Variants in CMYA5 observed in about 807,000 individuals in gnomAD.
CMYA5 encodes cardiomyopathy-associated protein 5.
A neutral mutation model predicts 318.9 loss-of-function variants in CMYA5; 246 were observed. The ratio of observed to expected loss-of-function variants is 0.77; its 90% CI spans 0.70 to 0.86. The LOEUF (loss-of-function observed/expected upper bound fraction) is 0.86. CMYA5 is among the 40% of genes least tolerant of loss of function. CMYA5 has a pLI of 0.00. For synonymous variants in CMYA5, 1,641 were observed against 1,729.5 expected (o/e 0.95, Z 1.27); for missense variants, 4,589 against 4,678.2 (o/e 0.98, Z 0.56).
Position 79,729,320 on chromosome 5 carries a change from T to A in CMYA5, c.555T>A (p.Tyr185Ter). 6.2e-7 allele frequency: 1 copy of A among 1,612,268 alleles called. No individual in the cohort carries two copies. The highest frequency in any genetic ancestry group is 1.3e-5 in the African/African-American group (1 of 74,826). Residue 185 changes from tyrosine to a stop codon, truncating the protein, a stop_gained, in exon 2 of 13, where the codon TAT becomes TAA. Transcript: ENST00000446378. LOFTEE classifies it high-confidence loss of function. ...QVLTTEKEKSYTGIYDKARKK... is the reference protein window; with the variant it reads ...QVLTTEKEKS ...TAACCACGGAGAAAGAGAAGTCATATACTGGCATTTATGATAAAGCAAGAA... is the reference window on the plus strand; with the variant it reads ...TAACCACGGAGAAAGAGAAGTCATAAACTGGCATTTATGATAAAGCAAGAA...
intron 1 of CMYA5, among the ~76,000 whole-genome samples, chr5:79,701,912 G>T (rs1827180603): frequency 6.6e-6 from 1 of 151,676 alleles, no homozygotes. Flanking sequence ...TGGATCATGA[G>T]GTCAGGAGAT....
chr5:79,759,463 G>A (rs938008903), intron 7 of CMYA5, among the ~76,000 whole-genome samples: 1 of 152,242 alleles, frequency 6.6e-6, no homozygotes, highest in Admixed American at 6.5e-5. Flanking sequence ...CCTAGGTATG[G>A]TGTAGTCTTC....
intron 4 of CMYA5, 140 bp downstream of exon 4, chr5:79,745,595 T>C (rs1037330117): frequency 1.5e-6 from 1 of 673,750 alleles, no homozygotes; most frequent in African/African-American, 1.8e-5. Context: ...TAAACATTAT[T>C]TGGGCATGCC....
chr5:79,736,505 G>C lies in CMYA5; in HGVS notation c.7740G>C (p.Leu2580Phe), dbSNP rs376869606. 47 of 1,612,504 alleles carry C rather than the reference G, an allele frequency of 2.9e-5. No homozygotes were observed. The highest frequency in any genetic ancestry group is 5.0e-5 in the Admixed American group (3 of 59,726). ...CAGATATCTCTTTAGGTCATTCTTT[G>C]GGTGAAACTCAATCATTTTCATTAG... ...RESDISLGHS[L>F]GETQSFSLVK... Residue 2580 changes from leucine to phenylalanine, a missense_variant, in exon 2 of 13, where the codon TTG (leucine) becomes TTC (phenylalanine). Leu to Phe is a conservative substitution (Grantham distance 22). Around this residue, in one of 3 missense-constraint regions of CMYA5, gnomAD observed 2,431 missense variants for 2,495.1 expected, o/e 0.97. Coordinates refer to ENST00000446378, the MANE Select transcript of CMYA5 (RefSeq NM_153610.5).
At chr5:79,701,791 A>G (rs2151075825) in intron 1 of CMYA5, among the ~76,000 whole-genome samples, 1 of 152,346 alleles carries the variant, frequency 6.6e-6, no homozygotes, top group Non-Finnish European at 1.5e-5. Context: ...ATTATTCATA[A>G]TAGCCAATAA....
chr5:79,734,719 T>C lies in CMYA5; in HGVS notation c.5954T>C (p.Val1985Ala). 1.9e-6 allele frequency: 3 copies of C among 1,613,808 alleles called. No homozygotes were observed. Among genetic ancestry groups the C allele is most frequent in the Non-Finnish European group, 2.5e-6 (3 of 1,179,814 alleles). ...AGTAAAAGTTACTCTTCTGAAGAAG[T>C]AAAGCTGGCTGAAGAACCAAAGTCT... ...LSSKSYSSEE[V>A]KLAEEPKSLV... The change falls in exon 2 of 13, where the codon GTA becomes GCA. Residue 1985 changes from valine to alanine, a missense_variant. Transcript: ENST00000446378.
At chr5:79,790,596 A>G (rs1425777477) in intron 10 of CMYA5, among the ~76,000 whole-genome samples, 3 of 152,198 alleles carry the variant, frequency 2.0e-5, no homozygotes, top group African/African-American at 7.2e-5. Flanking sequence ...ATATGCACAC[A>G]GATTTCCTGA....
chr5:79,766,818 A>G (rs142478620), intron 9 of CMYA5, among the ~76,000 whole-genome samples: 1 of 152,204 alleles, frequency 6.6e-6, no homozygotes, highest in Non-Finnish European at 1.5e-5. Context: ...TGCTAGCCTC[A>G]TAAAATGAGT....
At chr5:79,794,443 A>G (rs542854808) in intron 12 of CMYA5, among the ~76,000 whole-genome samples, 17 of 152,316 alleles carry the variant, frequency 1.1e-4, no homozygotes, top group South Asian at 1.0e-3. Context: ...TGCTCACAGT[A>G]TGGTTTAATA....
intron 11 of CMYA5, among the ~76,000 whole-genome samples, chr5:79,792,114 G>T (rs1199802415): frequency 1.3e-5 from 2 of 152,200 alleles, no homozygotes; most frequent in Non-Finnish European, 2.9e-5. Context: ...GGTGTTACCT[G>T]CTCCTAGTTC....
chr5:79,712,259 G>A (rs1827406275), intron 1 of CMYA5, among the ~76,000 whole-genome samples: 2 of 152,160 alleles, frequency 1.3e-5, no homozygotes, highest in Admixed American at 6.5e-5. Flanking sequence ...CTGTTGCCCA[G>A]GCTAGAGTGT....
intron 6 of CMYA5, among the ~76,000 whole-genome samples, chr5:79,758,256 G>T (rs1410575561): frequency 6.6e-6 from 1 of 151,212 alleles, no homozygotes; most frequent in African/African-American, 2.4e-5. Context: ...AAATTGGCCG[G>T]TGTGGTGGCT....
intron 5 of CMYA5, among the ~76,000 whole-genome samples, chr5:79,750,780 G>GT (rs776612477): frequency 6.6e-6 from 1 of 152,094 alleles, no homozygotes; most frequent in Non-Finnish European, 1.5e-5. Flanking sequence ...TGCAACCATT[G>GT]TAAGACCTGC....
intron 9 of CMYA5, among the ~76,000 whole-genome samples, chr5:79,771,327 GCT>G (rs1828853396): frequency 6.6e-6 from 1 of 152,112 alleles, no homozygotes; most frequent in Non-Finnish European, 1.5e-5. Flanking sequence ...ACTCATTGAT[GCT>G]ATATGAGAAG....
intron 1 of CMYA5, among the ~76,000 whole-genome samples, chr5:79,697,957 A>G (rs1037425239): frequency 7.9e-5 from 12 of 152,338 alleles, no homozygotes; most frequent in Non-Finnish European, 1.5e-4. Flanking sequence ...AAAAATAGAC[A>G]TTAGGCAATC....
At chr5:79,707,914 C>T (rs1218720614) in intron 1 of CMYA5, among the ~76,000 whole-genome samples, 2 of 152,182 alleles carry the variant, frequency 1.3e-5, no homozygotes, top group African/African-American at 4.8e-5. Flanking sequence ...GATTCAGTGT[C>T]TGGTGAGGGC....
At chr5:79,763,996 A>G (rs1001212730) in intron 9 of CMYA5, among the ~76,000 whole-genome samples, 1 of 151,726 alleles carries the variant, frequency 6.6e-6, no homozygotes, top group African/African-American at 2.4e-5. Context: ...GTATGAAACT[A>G]GACAGCTTTT....
chr5:79,772,361 A>G (rs991304085), intron 9 of CMYA5, among the ~76,000 whole-genome samples: 21 of 152,218 alleles, frequency 1.4e-4, no homozygotes, highest in Admixed American at 1.2e-3. Context: ...GAAGTTGCAC[A>G]TGCGAAGCCC....
chr5:79,731,072 G>A lies in CMYA5; in HGVS notation c.2307G>A (p.Leu769=). ...TEKTSECQSP[L]PSTATSEHVV... ...AGACTTCTGAATGCCAGTCACCACT[G>A]CCTTCTACTGCCACATCAGAACACG... Residue 769 remains leucine, a synonymous_variant, in exon 2 of 13, where the codon CTG becomes CTA. Coordinates refer to ENST00000446378, the MANE Select transcript of CMYA5 (RefSeq NM_153610.5). 6.2e-7 allele frequency: 1 copy of A among 1,613,950 alleles called. No homozygotes were observed. The highest frequency in any genetic ancestry group is 8.5e-7 in the Non-Finnish European group (1 of 1,179,876).
Sources: gnomAD v4.1 joint callset for allele counts (sites outside exome capture counted in the v4.1 genomes callset) on GRCh38, gnomAD v4.1.1 for gene constraint, gnomAD v4.1.1 regional missense constraint, MANE v1.5 for transcripts, NCBI Gene and HGNC (gene_info 2026-07-23, HGNC 2026-07-21) for gene names.